Variants in FOXO1 observed in about 807,000 individuals in gnomAD.
FOXO1 encodes the protein forkhead box protein O1.
Under a neutral mutation model 44.1 loss-of-function variants are expected in FOXO1, and 6 were observed. The observed-to-expected ratio is 0.14, with a 90% CI of 0.07 to 0.27. FOXO1 has a LOEUF of 0.27. Among genes scored for constraint, FOXO1 ranks in the 10% least tolerant of loss-of-function variants. The pLI is 1.00. For missense variants in FOXO1, 737 were observed against 888.8 expected, an observed-to-expected ratio of 0.83 and a Z score of 2.17; for synonymous variants, 380 against 362.7, an observed-to-expected ratio of 1.05 and a Z score of -0.54.
At chr13:40,561,317 A>T (rs907042498) in intron 1 of FOXO1, among the ~76,000 whole-genome samples, 14 of 143,590 alleles carry the variant, frequency 9.7e-5, no homozygotes, top group Non-Finnish European at 2.1e-4. Context: ...GTGCCACTGC[A>T]CTCCAGCCTG....
At chr13:40,568,566 A>T (rs1874359160) in intron 1 of FOXO1, among the ~76,000 whole-genome samples, 1 of 152,240 alleles carries the variant, frequency 6.6e-6, no homozygotes, top group South Asian at 2.1e-4. Flanking sequence ...TTTTTACAAG[A>T]GTTGTCAGTA....
chr13:40,663,458 ATCCATT>A (rs1001417340), intron 1 of FOXO1, among the ~76,000 whole-genome samples: 2 of 152,250 alleles, frequency 1.3e-5, no homozygotes, highest in African/African-American at 4.8e-5. Flanking sequence ...AGTAGGTTGT[ATCCATT>A]TCCAAGGACT....
chr13:40,604,140 T>G (rs921636551), intron 1 of FOXO1, among the ~76,000 whole-genome samples: 13 of 151,886 alleles, frequency 8.6e-5, no homozygotes, highest in African/African-American at 3.1e-4. Flanking sequence ...TGATTTATAT[T>G]GAATGTGACA....
intron 1 of FOXO1, among the ~76,000 whole-genome samples, chr13:40,573,544 C>A (rs1874627927): frequency 6.6e-6 from 1 of 152,218 alleles, no homozygotes; most frequent in Non-Finnish European, 1.5e-5. Flanking sequence ...CTAAGCAAAC[C>A]TTACCATATG....
chr13:40,569,372 T>C (rs1874395316), intron 1 of FOXO1, among the ~76,000 whole-genome samples: 1 of 152,230 alleles, frequency 6.6e-6, no homozygotes, highest in Non-Finnish European at 1.5e-5. Flanking sequence ...GATGGCATGA[T>C]ATACATGATA....
At chr13:40,661,977 G>A (rs992484708) in intron 1 of FOXO1, among the ~76,000 whole-genome samples, 3 of 151,710 alleles carry the variant, frequency 2.0e-5, no homozygotes, top group Non-Finnish European at 2.9e-5. Context: ...TTCGAGGCCA[G>A]CCAAGCCAAT....
chr13:40,602,736 C>CA, intron 1 of FOXO1, among the ~76,000 whole-genome samples: 1 of 152,174 alleles, frequency 6.6e-6, no homozygotes. Context: ...CACCTTTCAA[C>CA]ACTACCTGCC....
chr13:40,650,100 T>C (rs1380895979), intron 1 of FOXO1, among the ~76,000 whole-genome samples: 2 of 152,212 alleles, frequency 1.3e-5, no homozygotes. Flanking sequence ...GGCTATTTCT[T>C]GATGATATGC....
chr13:40,585,319 TG>T (rs1407392326), intron 1 of FOXO1, among the ~76,000 whole-genome samples: 2 of 150,696 alleles, frequency 1.3e-5, no homozygotes, highest in African/African-American at 2.5e-5. Context: ...CCCTTTAGTA[TG>T]TAAGTATTTC....
intron 1 of FOXO1, among the ~76,000 whole-genome samples, chr13:40,624,599 A>G (rs746504845): frequency 1.8e-4 from 27 of 152,194 alleles, no homozygotes; most frequent in Non-Finnish European, 3.5e-4. Flanking sequence ...ACTAAATGGT[A>G]GCTAGCCAGG....
At chr13:40,576,887 A>G (rs917990452) in intron 1 of FOXO1, among the ~76,000 whole-genome samples, 2 of 152,204 alleles carry the variant, frequency 1.3e-5, no homozygotes, top group Admixed American at 1.3e-4. Flanking sequence ...TGGTTCTTAC[A>G]TTTTGAAGGT....
chr13:40,648,819 A>G (rs998324496), intron 1 of FOXO1, among the ~76,000 whole-genome samples: 1 of 152,238 alleles, frequency 6.6e-6, no homozygotes, highest in African/African-American at 2.4e-5. Flanking sequence ...TAGCCTGATG[A>G]AAGATAGAAG....
intron 1 of FOXO1, among the ~76,000 whole-genome samples, chr13:40,595,303 T>C (rs1281109574): frequency 6.6e-6 from 1 of 152,120 alleles, no homozygotes; most frequent in Non-Finnish European, 1.5e-5. Flanking sequence ...AACCAGTAAG[T>C]TGGAGGGGGA....
chr13:40,665,879 C>A lies in FOXO1; in HGVS notation c.334G>T (p.Gly112Cys). 1 of 1,142,632 alleles carries A rather than the reference C, an allele frequency of 8.8e-7. No homozygotes were observed. The highest frequency in any genetic ancestry group is 1.1e-6 in the Non-Finnish European group (1 of 933,324). 70.8% of individuals were successfully genotyped at this position (1,142,632 alleles called of 1,614,324 possible). ...ATGGLCGDFQ[G>C]PEAGCLHPAP... is the part of the protein sequence containing the mutation. ...GGGTGCAGGCAGCCCGCCTCCGGGC[C>A]CTGGAAGTCCCCGCACAGCCCCCCG... Residue 112 changes from glycine (G) to cysteine (C), a missense_variant, in exon 1 of 3, where the codon GGC becomes TGC. This residue lies in a region of FOXO1 where 213 missense variants were observed against 236.4 expected (regional missense o/e 0.90). Transcript: ENST00000379561.
intron 1 of FOXO1, among the ~76,000 whole-genome samples, chr13:40,620,799 CTTTTTTT>C (rs111991105): frequency 3.3e-5 from 4 of 121,232 alleles, no homozygotes; most frequent in Non-Finnish European, 3.3e-5. Context: ...CTTCCCCTTG[CTTTTTTT>C]TTTTTTTTTT....
chr13:40,650,899 C>T (rs752620698), intron 1 of FOXO1, among the ~76,000 whole-genome samples: 5 of 151,996 alleles, frequency 3.3e-5, no homozygotes, highest in Non-Finnish European at 5.9e-5. Context: ...GGACTACAGG[C>T]ATGCACCACC....
chr13:40,654,853 T>A (rs1877806932), intron 1 of FOXO1, among the ~76,000 whole-genome samples: 1 of 152,066 alleles, frequency 6.6e-6, no homozygotes, highest in South Asian at 2.1e-4. Flanking sequence ...AGATAGGCTA[T>A]CTTGAAAGAA....
rs34314244 is a variant in FOXO1 at position 40,628,356 on chromosome 13, T to TACACACACACACACAC, written c.630+37211_630+37226dup. Among the ~76,000 whole-genome samples, 318 of 145,286 alleles carry TACACACACACACACAC rather than the reference T, an allele frequency of 2.2e-3. 1 individual carries two copies. The highest frequency in any genetic ancestry group is 7.7e-3 in the African/African-American group (304 of 39,328). On this transcript the variant is annotated intron_variant, in intron 1 of 2. Transcript: ENST00000379561. The stretch of plus-strand genomic sequence containing the variant: ...TCAGCTATTCCTCAAAAGAGCTGTT[T>TACACACACACACACAC]ACACACACACACACACACACACACA...
intron 1 of FOXO1, among the ~76,000 whole-genome samples, chr13:40,652,717 C>G (rs1044647080): frequency 1.3e-5 from 2 of 152,124 alleles, no homozygotes; most frequent in African/African-American, 4.8e-5. Context: ...ACATTGTGAC[C>G]GTTACTACCT....
Sources: allele counts gnomAD v4.1 joint callset (sites outside exome capture counted in the v4.1 genomes callset), GRCh38; gene constraint gnomAD v4.1.1; regional missense constraint gnomAD v4.1.1; transcripts MANE v1.5; gene names NCBI Gene and HGNC (gene_info 2026-07-23, HGNC 2026-07-21).